PDCD6: variants seen among roughly 807,000 people sequenced by gnomAD.
PDCD6 encodes programmed cell death 6.
Under a neutral mutation model 28.3 loss-of-function variants are expected in PDCD6, and 12 were observed. The ratio of observed to expected loss-of-function variants is 0.42; its 90% CI spans 0.27 to 0.69. PDCD6 has a LOEUF of 0.69. Among genes scored for constraint, PDCD6 ranks in the 30% least tolerant of loss-of-function variants. PDCD6 has a pLI of 0.22. For missense variants in PDCD6, 226 were observed against 269.9 expected, an observed-to-expected ratio of 0.84 and a Z score of 1.14; for synonymous variants, 92 against 108.0, an observed-to-expected ratio of 0.85 and a Z score of 0.92.
intron 2 of PDCD6, among the ~76,000 whole-genome samples, chr5:277,299 G>GTTTTT (rs1395797530): frequency 1.0e-5 from 1 of 99,822 alleles, no homozygotes; most frequent in Non-Finnish European, 2.1e-5. Flanking sequence ...CTAATTTTTT[G>GTTTTT]TATTTTTTTT....
intron 2 of PDCD6, among the ~76,000 whole-genome samples, chr5:275,499 C>G (rs1738132855): frequency 6.6e-6 from 1 of 152,252 alleles, no homozygotes; most frequent in Admixed American, 6.5e-5. Flanking sequence ...TTCAATTTAG[C>G]TGCTAGAAAA....
chr5:292,817 A>G (rs1270207978), intron 2 of PDCD6, among the ~76,000 whole-genome samples: 2 of 152,152 alleles, frequency 1.3e-5, no homozygotes, highest in Non-Finnish European at 2.9e-5. Context: ...CAGAGGAACC[A>G]TGGGATCTCC....
At chr5:285,275 G>A (rs1056200674) in intron 2 of PDCD6, among the ~76,000 whole-genome samples, 1 of 151,190 alleles carries the variant, frequency 6.6e-6, no homozygotes, top group Non-Finnish European at 1.5e-5. Context: ...TGTGCAGCTG[G>A]AGACCCGGGG....
chr5:306,506 C>A (rs1740495556), intron 3 of PDCD6, 96 bp from the exon 4 acceptor site: 1 of 1,337,154 alleles, frequency 7.5e-7, no homozygotes. Flanking sequence ...AGCAGTGGGG[C>A]CCCGCCAGGC....
chr5:296,037 G>A (rs1335225135), intron 2 of PDCD6, among the ~76,000 whole-genome samples: 2 of 152,280 alleles, frequency 1.3e-5, no homozygotes, highest in South Asian at 2.1e-4. Flanking sequence ...TCCAGATGGC[G>A]TGATCTGGTG....
intron 2 of PDCD6, among the ~76,000 whole-genome samples, chr5:284,479 A>T (rs1225249032): frequency 6.6e-6 from 1 of 150,622 alleles, no homozygotes; most frequent in Non-Finnish European, 1.5e-5. Context: ...CGGGTAGCTG[A>T]TGTAACAGTT....
intron 2 of PDCD6, among the ~76,000 whole-genome samples, chr5:302,881 GCT>G (rs1194532578): frequency 1.3e-5 from 2 of 150,996 alleles, no homozygotes; most frequent in Admixed American, 1.3e-4. Flanking sequence ...ATTGAGTGCT[GCT>G]CTGTGTGTAT....
intron 5 of PDCD6, among the ~76,000 whole-genome samples, chr5:313,437 C>A (rs193242828): frequency 6.6e-6 from 1 of 151,926 alleles, no homozygotes; most frequent in Non-Finnish European, 1.5e-5. Context: ...TCAAGGAGCC[C>A]GGTGGTGGCT....
intron 2 of PDCD6, among the ~76,000 whole-genome samples, chr5:302,581 G>A (rs1740165856): frequency 6.7e-6 from 1 of 149,790 alleles, no homozygotes; most frequent in Admixed American, 6.7e-5. Context: ...ACTGCTGGAG[G>A]GCGGGTCATC....
intron 2 of PDCD6, among the ~76,000 whole-genome samples, chr5:295,214 T>TAA (rs376736858): frequency 8.6e-5 from 10 of 116,026 alleles, no homozygotes; most frequent in African/African-American, 2.9e-4. Flanking sequence ...ACTCTTAAAA[T>TAA]AAAAAAACCA....
At chr5:274,202 T>C (rs2902897) in intron 2 of PDCD6, among the ~76,000 whole-genome samples, 1 of 152,248 alleles carries the variant, frequency 6.6e-6, no homozygotes, top group Non-Finnish European at 1.5e-5. Flanking sequence ...GAGGCCATGT[T>C]TCAGAGACAT....
At chr5:271,939 C>T in intron 1 of PDCD6, 118 bp downstream of exon 1, 1 of 399,454 alleles carries the variant, frequency 2.5e-6, no homozygotes, top group Non-Finnish European at 4.4e-6. Context: ...CCTCCGTCCC[C>T]TGTCGGGTCC....
chr5:306,499 A>G, intron 3 of PDCD6, 103 bp from the exon 4 acceptor site: 1 of 1,157,040 alleles, frequency 8.6e-7, no homozygotes, highest in Non-Finnish European at 1.3e-6. Context: ...AGTGGTCAGC[A>G]GTGGGGCCCC....
intron 4 of PDCD6, chr5:308,079 C>G (rs1740642890): frequency 6.6e-6 from 1 of 152,332 alleles, no homozygotes; most frequent in South Asian, 2.1e-4. Flanking sequence ...ATGCCACCCT[C>G]CACAGAGAGT....
At chr5:276,096 G>A (rs964254276) in intron 2 of PDCD6, 1 of 1,042,848 alleles carries the variant, frequency 9.6e-7, no homozygotes, top group Non-Finnish European at 1.3e-6. Context: ...GAGTGTAGTG[G>A]TGCACGCCTG....
chr5:300,903 C>T (rs1740009357), intron 2 of PDCD6, among the ~76,000 whole-genome samples: 1 of 152,200 alleles, frequency 6.6e-6, no homozygotes, highest in South Asian at 2.1e-4. Context: ...CGTCCGGTTC[C>T]TCCTGGGCCC....
At chr5:291,426 C>CATCGTCTGAGGGGA (rs1561039215) in intron 2 of PDCD6, among the ~76,000 whole-genome samples, 1 of 151,008 alleles carries the variant, frequency 6.6e-6, no homozygotes. Flanking sequence ...CGTGATCTCC[C>CATCGTCTGAGGGGA]GTCTCCATTC....
Position 282,278 on chromosome 5 carries a change from G to T in PDCD6, c.163+9506G>T, listed in dbSNP as rs532559038. ...GGTGGTGCAGCGGAAAAATCGGGGG[G>T]GGGGGAGCTGATGTTGTTCGCGTTG... On this transcript the variant is annotated intron_variant, in intron 2 of 5. Coordinates refer to ENST00000264933, the MANE Select transcript of PDCD6 (RefSeq NM_013232.4). Among the ~76,000 whole-genome samples, 697 of 141,862 alleles carry T rather than the reference G, an allele frequency of 4.9e-3. 11 individuals carry two copies. The highest frequency in any genetic ancestry group is 7.2e-3 in the Non-Finnish European group (464 of 64,826). The allele number at this position is 141,862 out of a possible 152,430, so 93.1% of individuals were successfully genotyped here.
In PDCD6 at chr5:311,287, T is replaced by C; in HGVS notation, c.368-6T>C. On this transcript the variant is annotated splice_region_variant and splice_polypyrimidine_tract_variant and intron_variant, in intron 4 of 5. Transcript: ENST00000264933. ...CCTTCTCTGACTCTGACTTTCCCTC[T>C]TGAAGGCTACCGGCTCTCTGACCAG... 3 of 1,612,332 alleles carry C rather than the reference T, an allele frequency of 1.9e-6. No individual in the cohort carries two copies. Among genetic ancestry groups the C allele is most frequent in the Non-Finnish European group, 2.5e-6 (3 of 1,178,436 alleles).
Sources: allele counts gnomAD v4.1 joint callset (sites outside exome capture counted in the v4.1 genomes callset), GRCh38; gene constraint gnomAD v4.1.1; transcripts MANE v1.5; gene names NCBI Gene and HGNC (gene_info 2026-07-23, HGNC 2026-07-21).